ZDHHC24: variants seen among roughly 807,000 people sequenced by gnomAD.
The protein encoded by ZDHHC24 is probable palmitoyltransferase ZDHHC24.
A neutral mutation model predicts 23.2 loss-of-function variants in ZDHHC24; 17 were observed. The observed-to-expected ratio is 0.73, with a 90% CI of 0.50 to 1.10. The LOEUF (loss-of-function observed/expected upper bound fraction) is 1.10, where lower values mean the gene tolerates loss of function less well. Among genes scored for constraint, ZDHHC24 ranks in the 50% least tolerant of loss-of-function variants. The pLI is 0.00. For missense variants in ZDHHC24, 366 were observed against 393.0 expected, an observed-to-expected ratio of 0.93 and a Z score of 0.58; for synonymous variants, 186 against 194.5, an observed-to-expected ratio of 0.96 and a Z score of 0.36.
At chr11:66,524,629 T>C (rs1175194047) in intron 4 of ZDHHC24, among the ~76,000 whole-genome samples, 1 of 152,188 alleles carries the variant, frequency 6.6e-6, no homozygotes, top group Non-Finnish European at 1.5e-5. Flanking sequence ...GCCTGAGAAG[T>C]ATGAAGGCTC....
Position 66,539,674 on chromosome 11 carries a change from TAGG to T in ZDHHC24, c.707_709del (p.Ser236del). ...CAGGTTGTGGCAGGGACCCAGGTCA[TAGG>T]AGTGCTGGCCCCGAGCCCACTCCCA... is the stretch of plus-strand genomic sequence containing the variant. On this transcript the variant is annotated inframe_deletion, in exon 3 of 3. Transcript: ENST00000310442. 1.9e-6 allele frequency: 3 copies of T among 1,611,264 alleles called. No individual in the cohort carries two copies. The highest frequency in any genetic ancestry group is 2.5e-6 in the Non-Finnish European group (3 of 1,179,524).
downstream of ZDHHC24, among the ~76,000 whole-genome samples, chr11:66,533,857 A>C (rs899409054): frequency 2.0e-5 from 3 of 152,190 alleles, no homozygotes; most frequent in African/African-American, 7.2e-5. Flanking sequence ...CATATCCTCA[A>C]ATATCTTCTT....
In ZDHHC24 at chr11:66,529,791, C is replaced by T. The variant is rs767766266; in HGVS notation, c.560-303G>A. The T allele has an allele frequency of 1.5e-5, 24 of 1,608,936 alleles. No homozygotes were observed. In the Middle Eastern group the frequency reaches 5.0e-4, roughly 33 times the overall value. On this transcript the variant is annotated intron_variant, in intron 2 of 4. Coordinates refer to the ZDHHC24 transcript ENST00000526986. ...CCTCCCTGCCACCCCCCACCTCCAC[C>T]GTCAGCCTCTGGGACCCTTCTCCAC...
chr11:66,523,696 T>C lies in ZDHHC24; in HGVS notation c.*22-2230A>G, dbSNP rs368824329. 5 of 1,610,214 alleles carry C rather than the reference T, an allele frequency of 3.1e-6. No homozygotes were observed. The East Asian group carries it at 8.9e-5, about 29-fold the overall frequency. On this transcript the variant is annotated intron_variant, in intron 4 of 4. Transcript: ENST00000526986. ...TCTTTCCACTGTAAGCCCTGAGCCC[T>C]CCACAGACGCTGGCTGTTCCCTGCC...
intron 2 of ZDHHC24, among the ~76,000 whole-genome samples, chr11:66,530,485 A>C (rs182533295): frequency 2.6e-5 from 4 of 152,302 alleles, no homozygotes; most frequent in Admixed American, 2.6e-4. Context: ...CATCTGACCC[A>C]ACCAGGTTCT....
intron 4 of ZDHHC24, among the ~76,000 whole-genome samples, chr11:66,522,314 G>A (rs1044691006): frequency 6.6e-6 from 1 of 151,340 alleles, no homozygotes; most frequent in Non-Finnish European, 1.5e-5. Context: ...TTATGCATTA[G>A]TTTAATATTC....
chr11:66,544,615 G>A (rs1486629055), intron 1 of ZDHHC24, among the ~76,000 whole-genome samples: 2 of 152,074 alleles, frequency 1.3e-5, no homozygotes, highest in African/African-American at 2.4e-5. Context: ...ATTCCCACAT[G>A]GCTAACCGCC....
chr11:66,544,380 T>G (rs1857248952), intron 1 of ZDHHC24, among the ~76,000 whole-genome samples: 1 of 152,112 alleles, frequency 6.6e-6, no homozygotes, highest in African/African-American at 2.4e-5. Context: ...AAACTGACCC[T>G]CCTCTGCTTA....
At chr11:66,531,994 C>T, downstream of ZDHHC24, 1 of 1,607,388 alleles carries the variant, frequency 6.2e-7, no homozygotes, top group Non-Finnish European at 8.5e-7. Context: ...CTGCTGAGTG[C>T]CCACGTCAAC....
chr11:66,529,306 C>T, intron 3 of ZDHHC24: 1 of 1,536,044 alleles, frequency 6.5e-7, no homozygotes, highest in East Asian at 2.4e-5. Flanking sequence ...GTGACGGAGG[C>T]AGGACCATGA....
rs1201433 is a variant in ZDHHC24 at position 66,537,803 on chromosome 11, C to A, written c.*1726G>T. 0.43 allele frequency: 64,699 copies of A among 151,376 alleles called. 16,048 individuals carry two copies. Among genetic ancestry groups the A allele is most frequent in the African/African-American group, 0.63 (26,002 of 41,330 alleles). 9.4% of individuals were successfully genotyped at this position (151,376 alleles called of 1,614,324 possible). On this transcript the variant is annotated 3_prime_UTR_variant, in exon 3 of 3. Coordinates refer to ENST00000310442, the MANE Select transcript of ZDHHC24 (RefSeq NM_207340.3). ...ATTAGCTTGGCGTGGTGGCAGGCAC[C>A]TGTAGTCCCAGCTACTTGAGAGGCT...
intron 3 of ZDHHC24, chr11:66,529,201 G>C: frequency 6.8e-7 from 1 of 1,470,582 alleles, no homozygotes; most frequent in Non-Finnish European, 9.0e-7. Context: ...TGGGGGCGGG[G>C]TGGGCCCTGG....
chr11:66,538,951 G>A lies in ZDHHC24; in HGVS notation c.*578C>T, dbSNP rs1035183154. The A allele has an allele frequency of 6.6e-6, 1 of 152,496 alleles. No individual in the cohort carries two copies. Among genetic ancestry groups the A allele is most frequent in the African/African-American group, 2.4e-5 (1 of 41,466 alleles). The allele number at this position is 152,496 out of a possible 1,614,324, so 9.4% of individuals were successfully genotyped here. A position where few individuals can be genotyped will look rare whatever the true frequency, so the allele number is the denominator to read the frequency against. ...CATGATCTTACCACATGGATTCTTAGAGCGTAACTGCTGCCCCATGGACCA... is the reference window on the plus strand; with the variant it reads ...CATGATCTTACCACATGGATTCTTAAAGCGTAACTGCTGCCCCATGGACCA... On this transcript the variant is annotated 3_prime_UTR_variant, in exon 3 of 3. Coordinates refer to ENST00000310442, the MANE Select transcript of ZDHHC24 (RefSeq NM_207340.3).
intron 4 of ZDHHC24, chr11:66,524,223 T>C (rs1160726910): frequency 8.2e-6 from 3 of 367,966 alleles, no homozygotes; most frequent in Non-Finnish European, 1.6e-5. Context: ...GAGGTTGCAG[T>C]GAGCCAAGAT....
chr11:66,527,120 T>C, intron 3 of ZDHHC24: 3 of 1,094,456 alleles, frequency 2.7e-6, no homozygotes, highest in Non-Finnish European at 4.0e-6. Context: ...CTCACGCCTG[T>C]AATCCCAACA....
At chr11:66,533,993 A>C (rs1443793103), downstream of ZDHHC24, among the ~76,000 whole-genome samples, 1 of 151,912 alleles carries the variant, frequency 6.6e-6, no homozygotes, top group Non-Finnish European at 1.5e-5. Flanking sequence ...ACATGGTGAA[A>C]CCCTGTCTCT....
At chr11:66,543,311 C>T (rs1172926279) in intron 2 of ZDHHC24, among the ~76,000 whole-genome samples, 2 of 152,038 alleles carry the variant, frequency 1.3e-5, no homozygotes, top group African/African-American at 4.8e-5. Context: ...GTTCTCAGGA[C>T]CCCACCAGCC....
At chr11:66,526,993 C>T (rs1856542715) in exon 4 of ZDHHC24, 2 of 1,539,594 alleles carry the variant, frequency 1.3e-6, no homozygotes, top group African/African-American at 2.7e-5. Flanking sequence ...CACTGTTCCT[C>T]AGGCTGGAAG....
intron 2 of ZDHHC24, 72 bp from the exon 3 acceptor site, chr11:66,539,896 A>G: frequency 7.2e-7 from 1 of 1,393,650 alleles, no homozygotes; most frequent in South Asian, 1.4e-5. Flanking sequence ...GCTCCCCTCC[A>G]CCACAAAGCA....
Sources: gnomAD v4.1 joint callset for allele counts (sites outside exome capture counted in the v4.1 genomes callset) on GRCh38, gnomAD v4.1.1 for gene constraint, MANE v1.5 for transcripts, NCBI Gene and HGNC (gene_info 2026-07-23, HGNC 2026-07-21) for gene names.